The following IMMP2L variants were observed in gnomAD, a reference collection of about 807,000 sequenced individuals.
IMMP2L encodes the protein mitochondrial inner membrane protease subunit 2.
IMMP2L carries 18 observed loss-of-function variants against 19.3 expected under a neutral mutation model. The ratio of observed to expected loss-of-function variants is 0.93; its 90% CI spans 0.64 to 1.38. The LOEUF (loss-of-function observed/expected upper bound fraction) is 1.38, where lower values mean the gene tolerates loss of function less well. Among genes scored for constraint, IMMP2L ranks in the 40% most tolerant of loss-of-function variants. The pLI, the probability that IMMP2L is intolerant of heterozygous loss-of-function variation, is 0.00. For missense variants in IMMP2L, 233 were observed against 218.2 expected (o/e 1.07, Z -0.43); for synonymous variants, 76 against 73.0 (o/e 1.04, Z -0.21).
intron 5 of IMMP2L, among the ~76,000 whole-genome samples, chr7:110,798,764 T>C (rs1016494901): frequency 2.6e-5 from 4 of 151,900 alleles, no homozygotes; most frequent in Admixed American, 6.6e-5. Flanking sequence ...GCAATTACTT[T>C]TTCAGTTCTT....
At chr7:111,051,166 T>A (rs911082771) in intron 3 of IMMP2L, among the ~76,000 whole-genome samples, 1 of 152,184 alleles carries the variant, frequency 6.6e-6, no homozygotes, top group African/African-American at 2.4e-5. Flanking sequence ...AACTTTTTTT[T>A]ATGGTCTTAA....
At chr7:111,380,673 T>G (rs929138604) in intron 3 of IMMP2L, among the ~76,000 whole-genome samples, 1 of 152,030 alleles carries the variant, frequency 6.6e-6, no homozygotes, top group African/African-American at 2.4e-5. Context: ...TGTCCAGCTA[T>G]TGAATATTTT....
intron 1 of IMMP2L, among the ~76,000 whole-genome samples, chr7:111,551,065 T>C (rs1849407256): frequency 2.0e-5 from 3 of 152,138 alleles, no homozygotes. Context: ...CATGATGACA[T>C]TACAAACATT....
intron 3 of IMMP2L, among the ~76,000 whole-genome samples, chr7:111,338,236 G>A (rs555172271): frequency 6.6e-6 from 1 of 152,130 alleles, no homozygotes; most frequent in South Asian, 2.1e-4. Flanking sequence ...TTGTAGGAAA[G>A]ATGTGTAGAA....
intron 5 of IMMP2L, among the ~76,000 whole-genome samples, chr7:110,723,485 G>T (rs1314613301): frequency 6.6e-6 from 1 of 151,764 alleles, no homozygotes; most frequent in Admixed American, 6.6e-5. Flanking sequence ...CTACTAAAGG[G>T]AATAAAAGGT....
At chr7:111,476,542 T>C (rs993685909) in intron 3 of IMMP2L, among the ~76,000 whole-genome samples, 34 of 152,152 alleles carry the variant, frequency 2.2e-4, no homozygotes, top group African/African-American at 8.2e-4. Flanking sequence ...TAGGTTTGGC[T>C]AGATCCTCTT....
At position 110,964,480 on chromosome 7, in the gene IMMP2L, C is replaced by A. The variant is rs1462026079; in HGVS notation, c.240-915G>T. Among the ~76,000 whole-genome samples the A allele has an allele frequency of 4.6e-5, 7 of 151,974 alleles. No homozygotes were observed. The East Asian group carries it at 1.4e-3, about 29-fold the overall frequency. ...GATTATAGAATTCAGAGCGCTAAAA[C>A]AGGGCTACTGACAGTTAAAATAAAT... On this transcript the variant is annotated intron_variant, in intron 3 of 5. Coordinates refer to ENST00000405709, the MANE Select transcript of IMMP2L (RefSeq NM_032549.4).
intron 1 of IMMP2L, among the ~76,000 whole-genome samples, chr7:111,550,997 T>C (rs763943531): frequency 1.1e-4 from 16 of 152,118 alleles, no homozygotes; most frequent in Non-Finnish European, 2.1e-4. Flanking sequence ...TACAAATTTG[T>C]TTATTGGTTT....
chr7:111,451,218 C>A (rs1179631593), intron 3 of IMMP2L, among the ~76,000 whole-genome samples: 3 of 107,068 alleles, frequency 2.8e-5, no homozygotes, highest in Non-Finnish European at 3.8e-5. Context: ...GGGTATATAC[C>A]CCCAAATGAC....
At chr7:111,552,002 A>G (rs936899403) in intron 1 of IMMP2L, among the ~76,000 whole-genome samples, 2 of 152,120 alleles carry the variant, frequency 1.3e-5, no homozygotes, top group Non-Finnish European at 2.9e-5. Flanking sequence ...ACCTGAGGCT[A>G]TTACTCAGAT....
At chr7:111,249,508 C>T (rs1030863943) in intron 3 of IMMP2L, among the ~76,000 whole-genome samples, 3 of 151,924 alleles carry the variant, frequency 2.0e-5, no homozygotes, top group Non-Finnish European at 4.4e-5. Context: ...GAGCTGTAGA[C>T]CGGAGCTGTT....
At chr7:111,312,713 G>A (rs1200597855) in intron 3 of IMMP2L, among the ~76,000 whole-genome samples, 1 of 152,068 alleles carries the variant, frequency 6.6e-6, no homozygotes, top group East Asian at 1.9e-4. Context: ...TTAAGTAACT[G>A]AGCTGACCCT....
At chr7:111,295,102 G>A (rs1339439965) in intron 3 of IMMP2L, among the ~76,000 whole-genome samples, 1 of 151,792 alleles carries the variant, frequency 6.6e-6, no homozygotes, top group Non-Finnish European at 1.5e-5. Context: ...TGATGGTTTT[G>A]TCCTTTACTA....
intron 3 of IMMP2L, among the ~76,000 whole-genome samples, chr7:111,009,025 C>A (rs1169751043): frequency 1.3e-5 from 2 of 152,038 alleles, no homozygotes; most frequent in African/African-American, 4.8e-5. Context: ...CCTATATGGT[C>A]CACAGGTCAC....
rs183529510 is a variant in IMMP2L at position 111,197,994 on chromosome 7, A to G, written c.240-234429T>C. Among the ~76,000 whole-genome samples, 19 of 152,294 alleles carry G rather than the reference A, an allele frequency of 1.2e-4. No homozygotes were observed. The East Asian group carries it at 3.7e-3, about 29-fold the overall frequency. ...CTAAATATAATTTAGAAATCAGTAG[A>G]CAGATAATATTGCACAGAAGAATGA... On this transcript the variant is annotated intron_variant, in intron 3 of 5. Coordinates refer to ENST00000405709, the MANE Select transcript of IMMP2L (RefSeq NM_032549.4).
chr7:111,514,945 A>G (rs1845756493), intron 2 of IMMP2L, among the ~76,000 whole-genome samples: 1 of 152,060 alleles, frequency 6.6e-6, no homozygotes, highest in Admixed American at 6.6e-5. Context: ...TTGCTTGACC[A>G]TTTTAGATAA....
At chr7:111,494,106 A>G (rs1388705350) in intron 2 of IMMP2L, among the ~76,000 whole-genome samples, 1 of 152,142 alleles carries the variant, frequency 6.6e-6, no homozygotes, top group Admixed American at 6.5e-5. Flanking sequence ...CAGAATCTGT[A>G]TTTTCTTGTT....
chr7:110,681,912 G>A (rs538457416), intron 5 of IMMP2L, among the ~76,000 whole-genome samples: 1 of 152,180 alleles, frequency 6.6e-6, no homozygotes, highest in South Asian at 2.1e-4. Flanking sequence ...AAAAAAAAAT[G>A]GCAAGAGAGT....
At chr7:110,843,130 G>A (rs1198376175) in intron 5 of IMMP2L, among the ~76,000 whole-genome samples, 1 of 152,120 alleles carries the variant, frequency 6.6e-6, no homozygotes, top group Non-Finnish European at 1.5e-5. Context: ...CGACAAAAAA[G>A]ACAAAGAAGA....
Sources: allele counts gnomAD v4.1 joint callset (sites outside exome capture counted in the v4.1 genomes callset), GRCh38; gene constraint gnomAD v4.1.1; transcripts MANE v1.5; gene names NCBI Gene and HGNC (gene_info 2026-07-23, HGNC 2026-07-21).